The following ATXN2L variants were observed in gnomAD, a reference collection of about 807,000 sequenced individuals.
ATXN2L encodes ataxin-2-like protein.
In ATXN2L, 24 loss-of-function variants were observed where a neutral mutation model predicts 120.7. That is an observed-to-expected ratio of 0.20 (90% CI 0.14 to 0.28). The LOEUF (loss-of-function observed/expected upper bound fraction) is 0.28, where lower values mean the gene tolerates loss of function less well. ATXN2L is among the 10% of genes least tolerant of loss of function. The pLI, the probability that ATXN2L is intolerant of heterozygous loss-of-function variation, is 1.00. For missense variants in ATXN2L, 1,312 were observed against 1,432.3 expected (o/e 0.92, Z 1.36); for synonymous variants, 653 against 568.1 (o/e 1.15, Z -2.13).
chr16:28,836,041 C>A lies in ATXN2L; in HGVS notation c.3004C>A (p.Gln1002Lys). Residue 1002 changes from glutamine (Q) to lysine (K), a missense_variant, in exon 22 of 22, where the codon CAA (glutamine) becomes AAA (lysine). By Grantham distance (53) the Gln-to-Lys change is moderately conservative. Coordinates refer to ENST00000336783, the MANE Select transcript of ATXN2L (RefSeq NM_007245.4). Reference sequence around the variant, plus strand: ...ACCCCAGAGTCATGGGGGGCCCCCCCAAGGCGCGGTGCCCCAGAGTGGGGT... The same window carrying A: ...ACCCCAGAGTCATGGGGGGCCCCCCAAAGGCGCGGTGCCCCAGAGTGGGGT... The part of the protein sequence containing the change: ...HPPQSHGGPP[Q>K]GAVPQSGVPA... The A allele has an allele frequency of 6.3e-7, 1 of 1,597,548 alleles. No individual in the cohort carries two copies. The highest frequency in any genetic ancestry group is 8.5e-7 in the Non-Finnish European group (1 of 1,170,086).
Position 28,829,958 on chromosome 16 carries a change from C to T in ATXN2L, c.934C>T (p.Arg312Trp), listed in dbSNP as rs772722090. 1.9e-6 allele frequency: 3 copies of T among 1,614,196 alleles called. No homozygotes were observed. Among genetic ancestry groups the T allele is most frequent in the East Asian group, 2.2e-5 (1 of 44,888 alleles). The part of the protein sequence containing the change: ...EIESSPQYRL[R>W]IAMENDDGRT... ...TGAATCAAGCCCCCAGTACCGCCTACGGATCGCCATGGAGAACGACGATGG... is the reference window on the plus strand; with the variant it reads ...TGAATCAAGCCCCCAGTACCGCCTATGGATCGCCATGGAGAACGACGATGG... The change falls in exon 8 of 22, where the codon CGG (arginine) becomes TGG (tryptophan). Residue 312 changes from arginine (R) to tryptophan (W), a missense_variant. Arg to Trp is a moderately radical substitution (Grantham distance 101). Coordinates refer to ENST00000336783, the MANE Select transcript of ATXN2L (RefSeq NM_007245.4).
chr16:28,829,943 C>A lies in ATXN2L; in HGVS notation c.919C>A (p.Pro307Thr). ...AQLAREIESSPQYRLRIAMEN... is the reference protein window; with the variant it reads ...AQLAREIESSTQYRLRIAMEN... ...GTTGGCTCGAGAGATTGAATCAAGC[C>A]CCCAGTACCGCCTACGGATCGCCAT... The change falls in exon 8 of 22, where the codon CCC (proline) becomes ACC (threonine). Residue 307 changes from proline (P) to threonine (T), a missense_variant. By Grantham distance (38) the Pro-to-Thr change is conservative. Coordinates refer to ENST00000336783, the MANE Select transcript of ATXN2L (RefSeq NM_007245.4). 1.2e-6 allele frequency: 2 copies of A among 1,614,176 alleles called. No homozygotes were observed. The highest frequency in any genetic ancestry group is 8.5e-7 in the Non-Finnish European group (1 of 1,180,040).
chr16:28,829,410 T>C lies in ATXN2L; in HGVS notation c.751T>C (p.Trp251Arg). ...YDLESDMSNG[W>R]DPNEMFKFNE... is the part of the protein sequence containing the mutation. Reference sequence around the variant, plus strand: ...CTTCCTCCCTCCCCAGTCCAATGGATGGGACCCCAATGAAATGTTCAAGTT... The same window carrying C: ...CTTCCTCCCTCCCCAGTCCAATGGACGGGACCCCAATGAAATGTTCAAGTT... Residue 251 changes from tryptophan to arginine, a missense_variant, in exon 7 of 22, where the codon TGG becomes CGG. Physicochemically the swap from Trp to Arg is moderately radical, Grantham distance 101. Transcript: ENST00000336783. The C allele has an allele frequency of 6.2e-7, 1 of 1,612,330 alleles. No homozygotes were observed. Among genetic ancestry groups the C allele is most frequent in the Non-Finnish European group, 8.5e-7 (1 of 1,178,338 alleles).
At position 28,825,485 on chromosome 16, in the gene ATXN2L, A is replaced by G; in HGVS notation, c.336+83A>G. 3 of 1,535,566 alleles carry G rather than the reference A, an allele frequency of 2.0e-6. No individual in the cohort carries two copies. In the South Asian group the frequency reaches 3.4e-5, roughly 17 times the overall value. On this transcript the variant is annotated intron_variant, in intron 2 of 21. Transcript: ENST00000336783. Reference sequence around the variant, plus strand: ...GGAATATAGGGCACATTAGGTCTAGATAGAGTCTAATGTACTCAGGAGGGC... The same window carrying G: ...GGAATATAGGGCACATTAGGTCTAGGTAGAGTCTAATGTACTCAGGAGGGC...
rs1437962513 is a variant in ATXN2L, at chr16:28,835,631, C to G, written c.2768C>G (p.Pro923Arg). ...LYHPGALTGT[P>R]PSLPPGPSAQ... is the part of the protein sequence containing the mutation. ...CACCCAGGGGCCCTGACAGGCACGC[C>G]GCCCTCTCTGCCACCGGGACCTTCT... The change falls in exon 21 of 22, where the codon CCG (proline) becomes CGG (arginine). Residue 923 changes from proline to arginine, a missense_variant. Pro to Arg is a moderately radical substitution (Grantham distance 103). Transcript: ENST00000336783. 1 of 1,613,912 alleles carries G rather than the reference C, an allele frequency of 6.2e-7. No homozygotes were observed. Among genetic ancestry groups the G allele is most frequent in the Non-Finnish European group, 8.5e-7 (1 of 1,179,984 alleles).
In ATXN2L at chr16:28,836,838, T is replaced by C. The variant is rs1301845531; in HGVS notation, c.*573T>C. On this transcript the variant is annotated 3_prime_UTR_variant, in exon 22 of 22. Transcript: ENST00000336783. ...TGGAGGGAAGAGTGATCTATGTCTC[T>C]TCCCCCAGCAGCTCGGACCACTCCC... The C allele has an allele frequency of 1.2e-6, 2 of 1,601,708 alleles. No homozygotes were observed. The highest frequency in any genetic ancestry group is 1.7e-6 in the Non-Finnish European group (2 of 1,170,448).
intron 6 of ATXN2L, among the ~76,000 whole-genome samples, chr16:28,829,163 C>T (rs796710838): frequency 3.3e-4 from 50 of 152,238 alleles, no homozygotes; most frequent in African/African-American, 1.1e-3. Context: ...CCACCACACC[C>T]GGCTGTTTCA....
chr16:28,827,850 T>A (rs2052748202), intron 6 of ATXN2L, among the ~76,000 whole-genome samples: 1 of 152,192 alleles, frequency 6.6e-6, no homozygotes, highest in Admixed American at 6.5e-5. Context: ...TTTGGTGCAC[T>A]ATGACTCAAC....
rs777035253 is a variant in ATXN2L, at chr16:28,834,515, C to T, written c.2255C>T (p.Pro752Leu). The change falls in exon 18 of 22, where the codon CCT becomes CTT. Residue 752 changes from proline (P) to leucine (L), a missense_variant. Pro to Leu is a moderately conservative substitution (Grantham distance 98, BLOSUM62 -3). Transcript: ENST00000336783. ...CCTCCTCCTCTTCCAGGCTCCCTTC[C>T]TCCGCAGCGCTCGGACCAACACCAG... ...GKYRGAKGSL[P>L]PQRSDQHQPA... The T allele has an allele frequency of 4.3e-6, 7 of 1,610,870 alleles. No individual in the cohort carries two copies. Among genetic ancestry groups the T allele is most frequent in the Non-Finnish European group, 5.9e-6 (7 of 1,179,518 alleles).
intron 5 of ATXN2L, 76 bp from the exon 6 acceptor site, chr16:28,826,786 G>T (rs1224659543): frequency 6.9e-7 from 1 of 1,457,496 alleles, no homozygotes; most frequent in African/African-American, 1.4e-5. Flanking sequence ...TACTTACGGA[G>T]AGTGGGGTTG....
rs1654410730 is a variant in ATXN2L, at chr16:28,825,939, C to T, written c.465+98C>T. 3 of 1,208,350 alleles carry T rather than the reference C, an allele frequency of 2.5e-6. No individual in the cohort carries two copies. The Admixed American group carries it at 5.6e-5, about 22-fold the overall frequency. The allele number at this position is 1,208,350 out of a possible 1,614,324, so 74.9% of individuals were successfully genotyped here. On this transcript the variant is annotated intron_variant, in intron 4 of 21. Coordinates refer to ENST00000336783, the MANE Select transcript of ATXN2L (RefSeq NM_007245.4). The stretch of plus-strand genomic sequence containing the variant: ...GTCAATTGGGTGATGTCAGAGTATG[C>T]CTTTAGTTGTTTCTGTAGGCCTGTG...
chr16:28,827,379 G>A (rs1450896260), intron 6 of ATXN2L, among the ~76,000 whole-genome samples: 1 of 151,662 alleles, frequency 6.6e-6, no homozygotes, highest in Admixed American at 6.6e-5. Context: ...AGGCTACAGT[G>A]AGCTGTGATC....
chr16:28,834,768 G>A, intron 18 of ATXN2L, 75 bp downstream of exon 18: 7 of 1,493,354 alleles, frequency 4.7e-6, no homozygotes, highest in South Asian at 1.3e-5. Context: ...AGACTTGGGA[G>A]CTGGCTAGGG....
At position 28,833,583 on chromosome 16, in the gene ATXN2L, G is replaced by A. The variant is rs932294575; in HGVS notation, c.2025+75G>A. 1.4e-5 allele frequency: 20 copies of A among 1,441,348 alleles called. No homozygotes were observed. In the Admixed American group the frequency reaches 1.7e-4, roughly 12 times the overall value. 89.3% of individuals were successfully genotyped at this position (1,441,348 alleles called of 1,614,324 possible). On this transcript the variant is annotated intron_variant, in intron 15 of 21. Coordinates refer to ENST00000336783, the MANE Select transcript of ATXN2L (RefSeq NM_007245.4). ...GGCAGTGCTTATAGATGAATAGGGG[G>A]AGGAACACTTCACTTCCAGGACCAC...
chr16:28,835,663 T>C lies in ATXN2L; in HGVS notation c.2800T>C (p.Ser934Pro). The change falls in exon 21 of 22, where the codon TCC becomes CCC. Residue 934 changes from serine to proline, a missense_variant. Transcript: ENST00000336783. Reference sequence around the variant, plus strand: ...TCTGCCACCGGGACCTTCTGCCCAGTCCCCTCAGAGCAGCTTCCCCCAGCC... The same window carrying C: ...TCTGCCACCGGGACCTTCTGCCCAGCCCCCTCAGAGCAGCTTCCCCCAGCC... ...PSLPPGPSAQ[S>P]PQSSFPQPAA... 1 of 1,613,734 alleles carries C rather than the reference T, an allele frequency of 6.2e-7. No homozygotes were observed.
At chr16:28,828,591 A>C (rs1218758977) in intron 6 of ATXN2L, among the ~76,000 whole-genome samples, 2 of 82,844 alleles carry the variant, frequency 2.4e-5, no homozygotes, top group East Asian at 5.1e-4. Context: ...CTTTGTCTCC[A>C]AAAAAAAAAA....
At chr16:28,824,713 C>T (rs2051151950) in intron 1 of ATXN2L, 2 of 604,428 alleles carry the variant, frequency 3.3e-6, no homozygotes, top group Non-Finnish European at 4.7e-6. Flanking sequence ...GAGCTTTTGC[C>T]CTCACAGCTG....
chr16:28,835,778 A>G lies in ATXN2L; in HGVS notation c.2895+20A>G, dbSNP rs947855138. On this transcript the variant is annotated intron_variant, in intron 21 of 21. Transcript: ENST00000336783. ...ACCCAGGTAAGAGCCCAGCTGTCCC[A>G]CTTCTGGGTCTGTTTGCCAGGGCCC... 1.2e-6 allele frequency: 2 copies of G among 1,613,636 alleles called. No individual in the cohort carries two copies. The highest frequency in any genetic ancestry group is 1.7e-6 in the Non-Finnish European group (2 of 1,179,672).
In ATXN2L at chr16:28,825,829, G is replaced by A. The variant is rs201756263; in HGVS notation, c.453G>A (p.Thr151=). The A allele has an allele frequency of 2.3e-5, 37 of 1,613,468 alleles. No homozygotes were observed. The Admixed American group carries it at 3.2e-4, about 14-fold the overall frequency. The change falls in exon 4 of 22, where the codon ACG becomes ACA. Residue 151 remains threonine, a synonymous_variant. Transcript: ENST00000336783. ...NGTTYEGIFK[T]LSSKFELAVD... ...CCACTTATGAGGGTATCTTCAAGAC[G>A]CTAAGCTCAAAGGTCAGTGTACTCA...
Sources: allele counts gnomAD v4.1 joint callset (sites outside exome capture counted in the v4.1 genomes callset), GRCh38; gene constraint gnomAD v4.1.1; transcripts MANE v1.5; gene names NCBI Gene and HGNC (gene_info 2026-07-23, HGNC 2026-07-21).